CALN1: variants seen among roughly 807,000 people sequenced by gnomAD.
CALN1 encodes the protein calneuron 1.
A neutral mutation model predicts 30.6 loss-of-function variants in CALN1; 17 were observed. That is an observed-to-expected ratio of 0.56 (90% CI 0.38 to 0.83). CALN1 has a LOEUF of 0.83. CALN1 is among the 40% of genes least tolerant of loss of function. CALN1 has a pLI of 0.00. For missense variants in CALN1, 291 were observed against 354.9 expected, an observed-to-expected ratio of 0.82 and a Z score of 1.45; for synonymous variants, 156 against 131.4, an observed-to-expected ratio of 1.19 and a Z score of -1.28.
intron 3 of CALN1, among the ~76,000 whole-genome samples, chr7:72,187,429 G>C (rs926382408): frequency 2.6e-5 from 4 of 152,144 alleles, no homozygotes; most frequent in African/African-American, 9.7e-5. Flanking sequence ...CACAGCAGGA[G>C]GTGAGGGAAC....
At chr7:72,027,745 A>T (rs1801164827) in intron 4 of CALN1, among the ~76,000 whole-genome samples, 1 of 149,824 alleles carries the variant, frequency 6.7e-6, no homozygotes, top group East Asian at 2.0e-4. Flanking sequence ...ACACACACAC[A>T]CACACACACA....
chr7:71,939,178 A>C (rs1795994866), intron 5 of CALN1, among the ~76,000 whole-genome samples: 1 of 152,164 alleles, frequency 6.6e-6, no homozygotes, highest in Admixed American at 6.5e-5. Context: ...ATACTAGGTC[A>C]TATCTTTTGC....
chr7:72,288,563 T>C (rs1798257899), intron 2 of CALN1, among the ~76,000 whole-genome samples: 3 of 152,232 alleles, frequency 2.0e-5, no homozygotes, highest in Non-Finnish European at 2.9e-5. Flanking sequence ...ACCTTAATGA[T>C]TGTGACAATT....
At position 72,319,354 on chromosome 7, in the gene CALN1, C is replaced by T. The variant is rs114169257; in HGVS notation, c.120-40544G>A. 9.9e-3 allele frequency among the ~76,000 whole-genome samples: 1,508 copies of T among 152,222 alleles called. 23 individuals are homozygous for T. Among genetic ancestry groups the T allele is most frequent in the African/African-American group, 0.035 (1,449 of 41,524 alleles). ...CACATCTTACATGAATGGTGGCAGGCAAAGACAGAGAGCTTGTGCAGGGAA... is the reference window on the plus strand; with the variant it reads ...CACATCTTACATGAATGGTGGCAGGTAAAGACAGAGAGCTTGTGCAGGGAA... On this transcript the variant is annotated intron_variant, in intron 2 of 6. Coordinates refer to ENST00000395275, the MANE Select transcript of CALN1 (RefSeq NM_031468.4).
chr7:72,187,042 G>T (rs1226116348), intron 3 of CALN1, among the ~76,000 whole-genome samples: 1 of 152,050 alleles, frequency 6.6e-6, no homozygotes. Context: ...GAACCAATTT[G>T]ACAATCTGAG....
chr7:72,438,107 G>A (rs3111674), intron 1 of CALN1, among the ~76,000 whole-genome samples: 25,915 of 151,776 alleles, frequency 0.17, 2,465 homozygotes, highest in Non-Finnish European at 0.23. Context: ...CCAAGCAGCT[G>A]GTTCTATAGG....
At chr7:71,801,883 C>T (rs1304668804) in intron 6 of CALN1, among the ~76,000 whole-genome samples, 2 of 151,740 alleles carry the variant, frequency 1.3e-5, no homozygotes, top group African/African-American at 4.8e-5. Context: ...GAGACTGAGG[C>T]ATGAGAATTG....
rs376632277 is a variant in CALN1, at chr7:72,396,021, GCT to G, written c.119+7228_119+7229del. 4.9e-3 allele frequency among the ~76,000 whole-genome samples: 744 copies of G among 151,900 alleles called. 2 individuals are homozygous for G. Among genetic ancestry groups the G allele is most frequent in the African/African-American group, 0.017 (706 of 41,362 alleles). On this transcript the variant is annotated intron_variant, in intron 2 of 6. Transcript: ENST00000395275. ...GCCATTGCTTGACATCGCTCCTTCT[GCT>G]CTGACACTAGCTCTTGTTCCCTCCA...
Position 71,887,992 on chromosome 7 carries a change from A to G in CALN1, c.502-77500T>C, listed in dbSNP as rs1042729939. 2.6e-5 allele frequency among the ~76,000 whole-genome samples: 4 copies of G among 152,260 alleles called. No homozygotes were observed. The South Asian group carries it at 8.3e-4, about 32-fold the overall frequency. On this transcript the variant is annotated intron_variant, in intron 5 of 6. Coordinates refer to ENST00000395275, the MANE Select transcript of CALN1 (RefSeq NM_031468.4). ...GACATGTCTGTAGGGCAACTGGTGC[A>G]TATGTGCATTAAACTTGCAACCATG...
At chr7:72,063,544 C>A (rs192951645) in intron 4 of CALN1, among the ~76,000 whole-genome samples, 55 of 152,268 alleles carry the variant, frequency 3.6e-4, no homozygotes, top group African/African-American at 1.3e-3. Context: ...GCTGCATTCA[C>A]CAGCCAAGAG....
chr7:72,296,751 CTT>C (rs1165134529), intron 2 of CALN1, among the ~76,000 whole-genome samples: 4 of 150,674 alleles, frequency 2.7e-5, no homozygotes, highest in African/African-American at 9.7e-5. Context: ...ATTCTTCTCT[CTT>C]TTTTTATTAG....
chr7:72,125,266 C>CA (rs1215764441), intron 3 of CALN1, among the ~76,000 whole-genome samples: 1 of 152,192 alleles, frequency 6.6e-6, no homozygotes, highest in Non-Finnish European at 1.5e-5. Flanking sequence ...CCGCCTGCCT[C>CA]AGCCTCCCAA....
At chr7:71,956,379 C>T (rs1796961200) in intron 5 of CALN1, among the ~76,000 whole-genome samples, 1 of 151,982 alleles carries the variant, frequency 6.6e-6, no homozygotes, top group Admixed American at 6.6e-5. Context: ...TAGGGGAGGA[C>T]TTGGGAGCTA....
intron 1 of CALN1, among the ~76,000 whole-genome samples, chr7:72,418,479 GA>G (rs1376062522): frequency 6.6e-6 from 1 of 152,170 alleles, no homozygotes; most frequent in African/African-American, 2.4e-5. Flanking sequence ...TTGGGTTTGG[GA>G]AGGGGCTCTG....
chr7:71,791,656 C>T (rs1398892246), intron 6 of CALN1, among the ~76,000 whole-genome samples: 2 of 152,072 alleles, frequency 1.3e-5, no homozygotes, highest in Admixed American at 6.6e-5. Flanking sequence ...GCCTGTGACA[C>T]GAGTTTACCT....
At chr7:72,145,698 T>C (rs895076691) in intron 3 of CALN1, among the ~76,000 whole-genome samples, 1 of 152,170 alleles carries the variant, frequency 6.6e-6, no homozygotes, top group Admixed American at 6.5e-5. Context: ...ATATCCCGGA[T>C]GAACATCGAT....
At chr7:71,964,666 A>C (rs1797443115) in intron 5 of CALN1, among the ~76,000 whole-genome samples, 1 of 152,150 alleles carries the variant, frequency 6.6e-6, no homozygotes, top group South Asian at 2.1e-4. Context: ...GTCTCAAAAA[A>C]AAACCAAACC....
chr7:71,979,226 G>C (rs1349543761), intron 5 of CALN1, among the ~76,000 whole-genome samples: 2 of 152,204 alleles, frequency 1.3e-5, no homozygotes, highest in African/African-American at 4.8e-5. Flanking sequence ...GGACTGGGGA[G>C]AGGGGATGGT....
intron 2 of CALN1, among the ~76,000 whole-genome samples, chr7:72,342,239 A>G (rs961905452): frequency 6.7e-6 from 1 of 148,186 alleles, no homozygotes; most frequent in Non-Finnish European, 1.5e-5. Context: ...AACTTGGGTG[A>G]AAGACCAAGA....
Sources: gnomAD v4.1 joint callset for allele counts (sites outside exome capture counted in the v4.1 genomes callset) on GRCh38, gnomAD v4.1.1 for gene constraint, MANE v1.5 for transcripts, NCBI Gene and HGNC (gene_info 2026-07-23, HGNC 2026-07-21) for gene names.